Variants in PTPRM observed in about 807,000 individuals in gnomAD.
PTPRM encodes the protein receptor-type tyrosine-protein phosphatase mu.
A neutral mutation model predicts 186.7 loss-of-function variants in PTPRM; 47 were observed. That is an observed-to-expected ratio of 0.25 (90% CI 0.20 to 0.32). PTPRM has a LOEUF of 0.32. Among genes scored for constraint, PTPRM ranks in the 10% least tolerant of loss-of-function variants. The pLI is 1.00. For missense variants in PTPRM, 1,494 were observed against 1,865.0 expected, an observed-to-expected ratio of 0.80 and a Z score of 3.66; for synonymous variants, 668 against 674.9, an observed-to-expected ratio of 0.99 and a Z score of 0.16.
Position 8,314,850 on chromosome 18 carries a change from A to T in PTPRM, c.2912A>T (p.Tyr971Phe), listed in dbSNP as rs776418901. The T allele has an allele frequency of 8.2e-6, 13 of 1,581,260 alleles. No individual in the cohort carries two copies. In the South Asian group the frequency reaches 1.2e-4, roughly 15 times the overall value. ...DTNSDYINGN[Y>F]IDGYHRPNHY... ...AACTCAGACTATATCAATGGCAATTATATCGATGTATGTATTTTATTATTT... is the reference window on the plus strand; with the variant it reads ...AACTCAGACTATATCAATGGCAATTTTATCGATGTATGTATTTTATTATTT... Residue 971 changes from tyrosine (Y) to phenylalanine (F), a missense_variant, in exon 21 of 33, where the codon TAT (tyrosine) becomes TTT (phenylalanine). Transcript: ENST00000580170.
chr18:8,326,105 T>C (rs1264188635), intron 22 of PTPRM, among the ~76,000 whole-genome samples: 1 of 152,222 alleles, frequency 6.6e-6, no homozygotes, highest in Non-Finnish European at 1.5e-5. Context: ...TTTGAAAATG[T>C]TTTCTCCCAT....
intron 1 of PTPRM, among the ~76,000 whole-genome samples, chr18:7,769,258 T>C (rs1221179891): frequency 6.6e-6 from 1 of 152,096 alleles, no homozygotes; most frequent in Non-Finnish European, 1.5e-5. Flanking sequence ...GGGCCCCTTA[T>C]GACTGGATGC....
intron 19 of PTPRM, among the ~76,000 whole-genome samples, chr18:8,265,651 A>G (rs2094691843): frequency 6.6e-6 from 1 of 152,230 alleles, no homozygotes; most frequent in Non-Finnish European, 1.5e-5. Flanking sequence ...AAAAATAACC[A>G]GTTGAAAAGT....
chr18:7,761,985 T>C (rs1176583531), intron 1 of PTPRM, among the ~76,000 whole-genome samples: 1 of 152,198 alleles, frequency 6.6e-6, no homozygotes, highest in African/African-American at 2.4e-5. Context: ...GTTTTTATTC[T>C]TACCTTTGTT....
Position 7,608,386 on chromosome 18 carries a change from TCA to T in PTPRM, c.73+40496_73+40497del, listed in dbSNP as rs1567980760. Among the ~76,000 whole-genome samples the T allele has an allele frequency of 3.3e-5, 5 of 152,352 alleles. No homozygotes were observed. In the South Asian group the frequency reaches 6.2e-4, roughly 19 times the overall value. On this transcript the variant is annotated intron_variant, in intron 1 of 32. Transcript: ENST00000580170. Reference sequence around the variant, plus strand: ...TACATTCCATTTTTATGAAACATTCTCAGAGTTCCAAGGAAAAGAGAATCCTG... The same window carrying T: ...TACATTCCATTTTTATGAAACATTCTGAGTTCCAAGGAAAAGAGAATCCTG...
intron 4 of PTPRM, among the ~76,000 whole-genome samples, chr18:7,926,310 A>G (rs900546421): frequency 6.6e-6 from 1 of 152,242 alleles, no homozygotes; most frequent in African/African-American, 2.4e-5. Flanking sequence ...CACAGCAGGA[A>G]CAATAAAATA....
At chr18:8,339,879 T>C (rs1291998459) in intron 22 of PTPRM, among the ~76,000 whole-genome samples, 2 of 152,006 alleles carry the variant, frequency 1.3e-5, no homozygotes, top group Non-Finnish European at 2.9e-5. Context: ...ATACTTGAGA[T>C]CTTGGGAAAT....
chr18:7,684,435 G>A (rs1322821684), intron 1 of PTPRM, among the ~76,000 whole-genome samples: 1 of 152,086 alleles, frequency 6.6e-6, no homozygotes, highest in Non-Finnish European at 1.5e-5. Context: ...GTACAATATA[G>A]TACAGCAGAT....
At chr18:7,753,543 G>C (rs926084630) in intron 1 of PTPRM, among the ~76,000 whole-genome samples, 6 of 152,084 alleles carry the variant, frequency 3.9e-5, no homozygotes, top group Non-Finnish European at 8.8e-5. Context: ...ATATGGTAGG[G>C]TTGTTGAGTA....
At chr18:7,877,164 T>C (rs2048286510) in intron 2 of PTPRM, among the ~76,000 whole-genome samples, 1 of 152,214 alleles carries the variant, frequency 6.6e-6, no homozygotes, top group South Asian at 2.1e-4. Flanking sequence ...CCATTAATTA[T>C]TGTATCCTTT....
In PTPRM at chr18:7,906,590, T is replaced by C; in HGVS notation, c.547+7T>C. The C allele has an allele frequency of 6.3e-7, 1 of 1,592,278 alleles. No individual in the cohort carries two copies. The highest frequency in any genetic ancestry group is 8.6e-7 in the Non-Finnish European group (1 of 1,160,180). On this transcript the variant is annotated splice_region_variant and intron_variant, in intron 4 of 32. Transcript: ENST00000580170. ...GTGTTAGGACATCCATGTAGTAAGT[T>C]GTCTTTATTTGTAAATATTCGGGTA...
chr18:7,987,681 A>C (rs72897616), intron 7 of PTPRM, among the ~76,000 whole-genome samples: 1,969 of 152,304 alleles, frequency 0.013, 22 homozygotes, highest in Non-Finnish European at 0.022. Context: ...TATCTGGTTT[A>C]GAAAACTCAT....
At position 7,985,708 on chromosome 18, in the gene PTPRM, A is replaced by G. The variant is rs192062403; in HGVS notation, c.1132+30294A>G. On this transcript the variant is annotated intron_variant, in intron 7 of 32. Transcript: ENST00000580170. The stretch of plus-strand genomic sequence containing the variant: ...GTAAATGAGATGTTTTGATACAGGC[A>G]TGCAATGCAGAATAACCACATCTCG... Among the ~76,000 whole-genome samples the G allele has an allele frequency of 5.8e-4, 88 of 151,660 alleles. 3 individuals are homozygous for G. The highest frequency in any genetic ancestry group is 3.3e-3 in the East Asian group (17 of 5,174).
At chr18:8,280,796 A>C (rs935097692) in intron 19 of PTPRM, among the ~76,000 whole-genome samples, 1 of 152,150 alleles carries the variant, frequency 6.6e-6, no homozygotes, top group African/African-American at 2.4e-5. Context: ...TGCAGTGATT[A>C]AAAGAATCCC....
At chr18:7,688,438 T>G (rs1360023903) in intron 1 of PTPRM, among the ~76,000 whole-genome samples, 7 of 152,192 alleles carry the variant, frequency 4.6e-5, no homozygotes, top group Admixed American at 4.6e-4. Context: ...GAAAAGCTGC[T>G]CAGACATCTG....
chr18:8,245,608 A>C (rs2094470391), intron 15 of PTPRM, among the ~76,000 whole-genome samples: 1 of 152,198 alleles, frequency 6.6e-6, no homozygotes, highest in Admixed American at 6.5e-5. Context: ...CCTATGATGC[A>C]TTCGTTGTGG....
chr18:8,030,018 G>A (rs911958329), intron 7 of PTPRM, among the ~76,000 whole-genome samples: 3 of 152,124 alleles, frequency 2.0e-5, no homozygotes, highest in African/African-American at 7.2e-5. Context: ...AGTAAACAGC[G>A]CAGACCAATC....
chr18:8,391,369 A>G (rs1485061255), intron 31 of PTPRM, among the ~76,000 whole-genome samples: 1 of 152,252 alleles, frequency 6.6e-6, no homozygotes, highest in Non-Finnish European at 1.5e-5. Flanking sequence ...TGTTGGATAA[A>G]TTGTACAGTG....
At chr18:7,925,716 G>A (rs972863716) in intron 4 of PTPRM, among the ~76,000 whole-genome samples, 5 of 151,970 alleles carry the variant, frequency 3.3e-5, no homozygotes, top group Non-Finnish European at 1.5e-5. Flanking sequence ...CACCCTTCCC[G>A]CTTTGTTACT....
Sources: allele counts gnomAD v4.1 joint callset (sites outside exome capture counted in the v4.1 genomes callset), GRCh38; gene constraint gnomAD v4.1.1; transcripts MANE v1.5; gene names NCBI Gene and HGNC (gene_info 2026-07-23, HGNC 2026-07-21).